Variants in COL24A1 observed in about 807,000 individuals in gnomAD.
COL24A1 encodes the protein collagen alpha-1(XXIV) chain.
COL24A1 carries 224 observed loss-of-function variants against 253.9 expected under a neutral mutation model. The ratio of observed to expected loss-of-function variants is 0.88; its 90% CI spans 0.79 to 0.99. The LOEUF is 0.99. COL24A1 is among the 50% of genes least tolerant of loss of function. The pLI is 0.00. For missense variants in COL24A1, 2,131 were observed against 2,068.5 expected, an observed-to-expected ratio of 1.03 and a Z score of -0.59; for synonymous variants, 685 against 673.7, an observed-to-expected ratio of 1.02 and a Z score of -0.26.
chr1:86,152,528 A>T (rs946349072), intron 1 of COL24A1, among the ~76,000 whole-genome samples: 2 of 152,212 alleles, frequency 1.3e-5, no homozygotes, highest in Non-Finnish European at 2.9e-5. Flanking sequence ...AATCCAAAAA[A>T]ATTCAAAATC....
intron 14 of COL24A1, among the ~76,000 whole-genome samples, chr1:86,026,413 T>C (rs879465260): frequency 1.8e-4 from 27 of 152,306 alleles, no homozygotes; most frequent in Middle Eastern, 3.4e-3. Flanking sequence ...AATCAGATCA[T>C]TGGGGAGGAT....
chr1:86,151,780 T>C (rs967015530), intron 1 of COL24A1, among the ~76,000 whole-genome samples: 7 of 152,222 alleles, frequency 4.6e-5, no homozygotes, highest in Non-Finnish European at 8.8e-5. Context: ...GTATTATAAC[T>C]TATGTCTTCA....
chr1:85,970,344 CTATT>C (rs1692031664), intron 21 of COL24A1, 73 bp from the exon 22 acceptor site: 31 of 1,317,138 alleles, frequency 2.4e-5, no homozygotes, highest in Non-Finnish European at 3.3e-5. Context: ...CTTATTTTCT[CTATT>C]TATTCTAAAA....
At chr1:86,121,921 A>T (rs766427781) in intron 3 of COL24A1, among the ~76,000 whole-genome samples, 1 of 152,118 alleles carries the variant, frequency 6.6e-6, no homozygotes, top group Non-Finnish European at 1.5e-5. Flanking sequence ...AACTTCAAAG[A>T]TAAAGAACTG....
At chr1:85,924,888 G>A (rs1336818685) in intron 24 of COL24A1, among the ~76,000 whole-genome samples, 1 of 152,180 alleles carries the variant, frequency 6.6e-6, no homozygotes, top group Non-Finnish European at 1.5e-5. Context: ...AATTGTCCAT[G>A]TTTGCAGAGG....
At chr1:85,857,997 C>G (rs1678650407) in intron 37 of COL24A1, among the ~76,000 whole-genome samples, 1 of 152,204 alleles carries the variant, frequency 6.6e-6, no homozygotes, top group Non-Finnish European at 1.5e-5. Context: ...TTATTTATTA[C>G]TTTATCCCAT....
At position 86,054,949 on chromosome 1, in the gene COL24A1, T is replaced by C. The variant is rs561959167; in HGVS notation, c.1851+2982A>G. Among the ~76,000 whole-genome samples, 20 of 152,282 alleles carry C rather than the reference T, an allele frequency of 1.3e-4. 1 individual carries two copies. In the South Asian group the frequency reaches 2.3e-3, roughly 17 times the overall value. On this transcript the variant is annotated intron_variant, in intron 10 of 59. Coordinates refer to ENST00000370571, the MANE Select transcript of COL24A1 (RefSeq NM_152890.7). ...AATGTGGTACATATAGACCATGGAA[T>C]ACTACAGTGCCATAAAAATGAACAA...
chr1:85,768,394 G>A (rs924087853), intron 53 of COL24A1, among the ~76,000 whole-genome samples: 1 of 152,094 alleles, frequency 6.6e-6, no homozygotes, highest in African/African-American at 2.4e-5. Flanking sequence ...TTGCTATGTA[G>A]AGAATAGATC....
chr1:85,971,275 A>C, intron 21 of COL24A1, 65 bp downstream of exon 21: 1 of 1,396,956 alleles, frequency 7.2e-7, no homozygotes, highest in South Asian at 1.2e-5. Flanking sequence ...GCCCACAATA[A>C]ATAAAAAGGG....
intron 2 of COL24A1, among the ~76,000 whole-genome samples, chr1:86,134,431 T>C (rs956272311): frequency 1.3e-5 from 2 of 150,784 alleles, no homozygotes; most frequent in Admixed American, 6.6e-5. Context: ...GTGCTTTTCA[T>C]TGTGAAGTTA....
intron 8 of COL24A1, among the ~76,000 whole-genome samples, chr1:86,062,923 C>T (rs1321060986): frequency 2.6e-5 from 4 of 152,064 alleles, no homozygotes; most frequent in African/African-American, 9.7e-5. Flanking sequence ...CAGGTACCAA[C>T]CATCACATTT....
chr1:86,135,459 A>G (rs2102345926), intron 2 of COL24A1, among the ~76,000 whole-genome samples: 1 of 151,974 alleles, frequency 6.6e-6, no homozygotes, highest in East Asian at 2.0e-4. Flanking sequence ...TATTATGAGT[A>G]TATTGAATCA....
Position 85,868,544 on chromosome 1 carries a change from C to T in COL24A1, c.3275G>A (p.Gly1092Asp). ...MGLPGIIGPL[G>D]RSGQTGLPGP... is the part of the protein sequence containing the mutation. ...CGGAAGGCCTGTTTGGCCTGATCTA[C>T]CCAAGGGTCCTATAATTCCTGGTAA... Residue 1092 changes from glycine (G) to aspartate (D), a missense_variant, in exon 37 of 60, where the codon GGT becomes GAT. Physicochemically the swap from Gly to Asp is moderately conservative, Grantham distance 94. Coordinates refer to ENST00000370571, the MANE Select transcript of COL24A1 (RefSeq NM_152890.7). The T allele has an allele frequency of 6.2e-7, 1 of 1,613,828 alleles. No homozygotes were observed. The highest frequency in any genetic ancestry group is 1.1e-5 in the South Asian group (1 of 91,062).
chr1:85,878,037 C>T (rs186179924), intron 32 of COL24A1, among the ~76,000 whole-genome samples: 1 of 152,276 alleles, frequency 6.6e-6, no homozygotes, highest in East Asian at 1.9e-4. Context: ...TTCCTTTATA[C>T]ATTTTTGTGG....
At chr1:85,885,057 G>C (rs905659370) in intron 32 of COL24A1, among the ~76,000 whole-genome samples, 10 of 152,030 alleles carry the variant, frequency 6.6e-5, no homozygotes, top group African/African-American at 2.4e-4. Context: ...TCCATTTTGG[G>C]GGCAGTAGTT....
chr1:86,102,513 T>C (rs934790150), intron 5 of COL24A1, among the ~76,000 whole-genome samples: 3 of 152,040 alleles, frequency 2.0e-5, no homozygotes, highest in African/African-American at 7.2e-5. Context: ...TTGATATGGG[T>C]GTTTAGTGCA....
At chr1:85,962,175 G>A in intron 23 of COL24A1, among the ~76,000 whole-genome samples, 1 of 152,106 alleles carries the variant, frequency 6.6e-6, no homozygotes, top group African/African-American at 2.4e-5. Context: ...CATGCCACAG[G>A]TTAAGTACTA....
At chr1:85,887,230 A>G (rs1289644667) in intron 32 of COL24A1, among the ~76,000 whole-genome samples, 1 of 152,174 alleles carries the variant, frequency 6.6e-6, no homozygotes, top group African/African-American at 2.4e-5. Flanking sequence ...GATATTAACT[A>G]TATTTATTTA....
chr1:85,771,254 C>A lies in COL24A1; in HGVS notation c.4374+4420G>T, dbSNP rs143185374. Among the ~76,000 whole-genome samples the A allele has an allele frequency of 2.1e-3, 322 of 152,116 alleles. 2 individuals are homozygous for A. The highest frequency in any genetic ancestry group is 3.2e-3 in the Non-Finnish European group (220 of 68,010). ...TCTCCTAATGTTATCCCTCACCTAGCCTCCGACCCCCGACAGGCCCCGGTG... is the reference window on the plus strand; with the variant it reads ...TCTCCTAATGTTATCCCTCACCTAGACTCCGACCCCCGACAGGCCCCGGTG... On this transcript the variant is annotated intron_variant, in intron 53 of 59. Coordinates refer to ENST00000370571, the MANE Select transcript of COL24A1 (RefSeq NM_152890.7).
Sources: allele counts gnomAD v4.1 joint callset (sites outside exome capture counted in the v4.1 genomes callset), GRCh38; gene constraint gnomAD v4.1.1; transcripts MANE v1.5; gene names NCBI Gene and HGNC (gene_info 2026-07-23, HGNC 2026-07-21).